The following MRTFB variants were observed in gnomAD, a reference collection of about 807,000 sequenced individuals.
MRTFB encodes the protein myocardin-related transcription factor B.
In MRTFB, 29 loss-of-function variants were observed where a neutral mutation model predicts 104.2. The ratio of observed to expected loss-of-function variants is 0.28; its 90% CI spans 0.21 to 0.38. The LOEUF is 0.38. Ranked by LOEUF, MRTFB falls within the 10% of genes least tolerant of loss-of-function variation. The probability of loss-of-function intolerance (pLI) is 1.00; values close to 1 mark genes in which losing one functional copy is unlikely to be tolerated. For synonymous variants in MRTFB, 535 were observed against 519.5 expected, an observed-to-expected ratio of 1.03 and a Z score of -0.41; for missense variants, 1,270 against 1,341.6, an observed-to-expected ratio of 0.95 and a Z score of 0.83.
chr16:14,227,987 G>A (rs924889680), intron 8 of MRTFB, among the ~76,000 whole-genome samples: 2 of 148,340 alleles, frequency 1.3e-5, no homozygotes, highest in Non-Finnish European at 3.0e-5. Flanking sequence ...GACTTGAATA[G>A]ACATCCTTCT....
At position 14,218,817 on chromosome 16, in the gene MRTFB, T is replaced by C. The variant is rs747758219; in HGVS notation, c.515-3T>C. 2 of 1,579,910 alleles carry C rather than the reference T, an allele frequency of 1.3e-6. No homozygotes were observed. The highest frequency in any genetic ancestry group is 1.8e-5 in the Admixed American group (1 of 56,938). ...TCAAGTCAAAAATCATTTCTTTCTT[T>C]AGGCGTTGGGAAGGAGGACTATCCC... On this transcript the variant is annotated splice_region_variant and splice_polypyrimidine_tract_variant and intron_variant, in intron 7 of 16. Transcript: ENST00000571589.
chr16:14,099,462 G>A lies in MRTFB; in HGVS notation c.-64+20108G>A, dbSNP rs113545560. Among the ~76,000 whole-genome samples the A allele has an allele frequency of 9.4e-3, 1,398 of 148,858 alleles. 26 individuals are homozygous for A. Among genetic ancestry groups the A allele is most frequent in the African/African-American group, 0.033 (1,324 of 40,118 alleles). On this transcript the variant is annotated intron_variant, in intron 2 of 16. Coordinates refer to ENST00000571589, the MANE Select transcript of MRTFB (RefSeq NM_001308142.2). ...GTAATCTCAGCTCACTGCAACCTCC[G>A]CCTCCTTGGCTCAAGTGGTCCTCCT...
the MRTFB span, chr16:14,019,440 G>A: frequency 2.6e-4 from 40 of 152,178 alleles, no homozygotes; most frequent in Non-Finnish European, 5.6e-4. Flanking sequence ...CCATGAGCAT[G>A]GGCCCATTCC....
At position 14,252,379 on chromosome 16, in the gene MRTFB, G is replaced by A. The variant is rs1271431661; in HGVS notation, c.2580G>A (p.Pro860=). 23 of 1,611,488 alleles carry A rather than the reference G, an allele frequency of 1.4e-5. No individual in the cohort carries two copies. Among genetic ancestry groups the A allele is most frequent in the East Asian group, 8.9e-5 (4 of 44,748 alleles). The change falls in exon 15 of 17, where the codon CCG becomes CCA. Residue 860 remains proline (P), a synonymous_variant. Coordinates refer to ENST00000571589, the MANE Select transcript of MRTFB (RefSeq NM_001308142.2). The stretch of plus-strand genomic sequence containing the variant: ...ATTTGACACAGCCTAGTTCACCCCC[G>A]CCACCCCAGCAATTTGTCGTCCAGC... ...PNTPNKPSSP[P]PPQQFVVQHS...
intron 3 of MRTFB, among the ~76,000 whole-genome samples, chr16:14,155,086 A>G (rs746613760): frequency 2.6e-5 from 4 of 152,166 alleles, no homozygotes; most frequent in Non-Finnish European, 5.9e-5. Context: ...ATCTTGCTCT[A>G]TGTATATATA....
At chr16:14,182,636 C>G (rs2151016032) in intron 3 of MRTFB, among the ~76,000 whole-genome samples, 1 of 152,240 alleles carries the variant, frequency 6.6e-6, no homozygotes, top group East Asian at 1.9e-4. Flanking sequence ...GGAACAGTGA[C>G]ACCCTTGCAG....
intron 3 of MRTFB, among the ~76,000 whole-genome samples, chr16:14,205,232 G>T (rs2040888535): frequency 6.6e-6 from 1 of 151,966 alleles, no homozygotes; most frequent in Admixed American, 6.6e-5. Flanking sequence ...TTTGTGTAAT[G>T]AACATATTTG....
the MRTFB span, among the ~76,000 whole-genome samples, chr16:14,029,187 G>A: frequency 9.3e-4 from 141 of 151,680 alleles, no homozygotes; most frequent in African/African-American, 3.1e-3. Context: ...TGTGGTCCCA[G>A]CTACTTGGGA....
intron 8 of MRTFB, among the ~76,000 whole-genome samples, chr16:14,233,400 C>A (rs555205334): frequency 6.6e-6 from 1 of 152,012 alleles, no homozygotes; most frequent in Non-Finnish European, 1.5e-5. Flanking sequence ...AGGATGCTGC[C>A]GGAGGGTAGG....
intron 16 of MRTFB, among the ~76,000 whole-genome samples, chr16:14,259,768 TAATAAA>T (rs1459870308): frequency 6.6e-6 from 1 of 151,960 alleles, no homozygotes; most frequent in Non-Finnish European, 1.5e-5. Flanking sequence ...AAAATAAAAA[TAATAAA>T]AATAAAAAAG....
chr16:14,127,255 C>T (rs1458894847), intron 2 of MRTFB, among the ~76,000 whole-genome samples: 1 of 152,168 alleles, frequency 6.6e-6, no homozygotes, highest in Non-Finnish European at 1.5e-5. Context: ...TTTCAGATGA[C>T]ACAAAACGGA....
intron 3 of MRTFB, among the ~76,000 whole-genome samples, chr16:14,148,254 G>A (rs187961039): frequency 6.6e-6 from 1 of 152,106 alleles, no homozygotes; most frequent in African/African-American, 2.4e-5. Flanking sequence ...TCCTCTGCTG[G>A]GCTGAGAGAC....
At chr16:14,135,898 CT>C (rs2142502030) in intron 2 of MRTFB, among the ~76,000 whole-genome samples, 1 of 152,290 alleles carries the variant, frequency 6.6e-6, no homozygotes, top group South Asian at 2.1e-4. Context: ...GAGAAAAACT[CT>C]GTGCCTGGTG....
intron 6 of MRTFB, among the ~76,000 whole-genome samples, chr16:14,216,459 T>C (rs1326160033): frequency 2.6e-5 from 4 of 152,294 alleles, no homozygotes; most frequent in African/African-American, 2.4e-5. Flanking sequence ...GGATGAATTA[T>C]GGTATTTATA....
In MRTFB at chr16:14,261,203, T is replaced by G; in HGVS notation, c.3059T>G (p.Leu1020Arg). 1 of 1,614,208 alleles carries G rather than the reference T, an allele frequency of 6.2e-7. No homozygotes were observed. Among genetic ancestry groups the G allele is most frequent in the Non-Finnish European group, 8.5e-7 (1 of 1,180,032 alleles). ...ATCGAGGACCTCCAGAATGATCTGC[T>G]GAGTCACTCAGGTATGCTGGACCAT... ...SLIEDLQNDL[L>R]SHSGMLDHSH... Residue 1020 changes from leucine to arginine, a missense_variant, in exon 17 of 17, where the codon CTG becomes CGG. Transcript: ENST00000571589.
At chr16:13,998,411 T>C in the MRTFB span, among the ~76,000 whole-genome samples, 2 of 151,988 alleles carry the variant, frequency 1.3e-5, no homozygotes, top group South Asian at 4.2e-4. Context: ...TCCCAACACT[T>C]TGGGAGGCAG....
rs1419636315 is a variant in MRTFB at position 14,248,915 on chromosome 16, TCACC to T, written c.2248-10_2248-7del. 6.2e-7 allele frequency: 1 copy of T among 1,609,372 alleles called. No individual in the cohort carries two copies. Among genetic ancestry groups the T allele is most frequent in the Admixed American group, 1.7e-5 (1 of 58,972 alleles). On this transcript the variant is annotated splice_region_variant and splice_polypyrimidine_tract_variant and intron_variant, in intron 12 of 16. Coordinates refer to ENST00000571589, the MANE Select transcript of MRTFB (RefSeq NM_001308142.2). ...CAATTAAATTGATGTTTTTTTCAAT[TCACC>T]TCCTAGACTTCACCACAAGCAGGAA...
intron 3 of MRTFB, among the ~76,000 whole-genome samples, chr16:14,179,749 G>A (rs2039705707): frequency 6.6e-6 from 1 of 152,232 alleles, no homozygotes; most frequent in Non-Finnish European, 1.5e-5. Context: ...GTAGTCTGGG[G>A]AGTGGTCAGA....
chr16:14,016,997 C>G, the MRTFB span, among the ~76,000 whole-genome samples: 1 of 151,340 alleles, frequency 6.6e-6, no homozygotes, highest in African/African-American at 2.4e-5. Flanking sequence ...GAGATGTAAT[C>G]ATATTCCTTT....
Sources: allele counts gnomAD v4.1 joint callset (sites outside exome capture counted in the v4.1 genomes callset), GRCh38; gene constraint gnomAD v4.1.1; transcripts MANE v1.5; gene names NCBI Gene and HGNC (gene_info 2026-07-23, HGNC 2026-07-21).